Variants in SCNN1B observed in about 807,000 individuals in gnomAD.
SCNN1B encodes the protein sodium channel epithelial 1 subunit beta.
A neutral mutation model predicts 65.3 loss-of-function variants in SCNN1B; 46 were observed. The ratio of observed to expected loss-of-function variants is 0.70; its 90% CI spans 0.56 to 0.90. The LOEUF (loss-of-function observed/expected upper bound fraction) is 0.90, where lower values mean the gene tolerates loss of function less well. SCNN1B is among the 40% of genes least tolerant of loss of function. The pLI is 0.00. For missense variants in SCNN1B, 751 were observed against 830.5 expected, an observed-to-expected ratio of 0.90 and a Z score of 1.18; for synonymous variants, 349 against 330.6, an observed-to-expected ratio of 1.06 and a Z score of -0.60.
At chr16:23,349,427 C>T (rs941303023) in intron 2 of SCNN1B, among the ~76,000 whole-genome samples, 10 of 152,130 alleles carry the variant, frequency 6.6e-5, no homozygotes, top group Non-Finnish European at 1.0e-4. Flanking sequence ...CTCGAGGCTG[C>T]AGTGGGCTGA....
At chr16:23,350,732 G>C (rs1962290959) in intron 2 of SCNN1B, among the ~76,000 whole-genome samples, 1 of 152,138 alleles carries the variant, frequency 6.6e-6, no homozygotes, top group Non-Finnish European at 1.5e-5. Flanking sequence ...GCCCAACATG[G>C]TGAAACCCCA....
At chr16:23,373,510 A>C (rs1257385278) in intron 7 of SCNN1B, among the ~76,000 whole-genome samples, 2 of 152,190 alleles carry the variant, frequency 1.3e-5, no homozygotes, top group African/African-American at 4.8e-5. Flanking sequence ...GAGTTAACCC[A>C]GACCTGCCAC....
intron 4 of SCNN1B, among the ~76,000 whole-genome samples, chr16:23,366,407 A>G (rs1962670746): frequency 6.6e-6 from 1 of 152,010 alleles, no homozygotes; most frequent in African/African-American, 2.4e-5. Flanking sequence ...TTGTAGAGAT[A>G]GGGTCTCAAT....
At chr16:23,333,837 A>G (rs1961879989) in intron 1 of SCNN1B, among the ~76,000 whole-genome samples, 1 of 152,190 alleles carries the variant, frequency 6.6e-6, no homozygotes, top group Non-Finnish European at 1.5e-5. Flanking sequence ...TTAAAATTTA[A>G]AAATAAAGAC....
intron 1 of SCNN1B, among the ~76,000 whole-genome samples, chr16:23,340,550 T>G (rs1322070127): frequency 6.6e-6 from 1 of 152,218 alleles, no homozygotes. Context: ...ACTTTTTTAT[T>G]TTTTTACGTT....
intron 1 of SCNN1B, among the ~76,000 whole-genome samples, chr16:23,306,155 A>T (rs1370521186): frequency 6.6e-6 from 1 of 151,960 alleles, no homozygotes; most frequent in Non-Finnish European, 1.5e-5. Flanking sequence ...AAGTGGGAGA[A>T]TCGCTTGAAC....
intron 10 of SCNN1B, among the ~76,000 whole-genome samples, chr16:23,377,946 A>T (rs1031808074): frequency 6.6e-6 from 1 of 152,210 alleles, no homozygotes; most frequent in Non-Finnish European, 1.5e-5. Flanking sequence ...TATGGCTGTG[A>T]AATAAATAAA....
intron 1 of SCNN1B, among the ~76,000 whole-genome samples, chr16:23,328,205 G>A (rs1961736851): frequency 2.0e-5 from 3 of 152,200 alleles, no homozygotes. Flanking sequence ...ATAGTGCACA[G>A]ACAATTGCTT....
chr16:23,358,819 A>G (rs1962473799), intron 4 of SCNN1B, among the ~76,000 whole-genome samples: 1 of 152,224 alleles, frequency 6.6e-6, no homozygotes, highest in Non-Finnish European at 1.5e-5. Flanking sequence ...AGGCACGAGA[A>G]TCACTTGAAC....
At chr16:23,287,316 T>G (rs149908499) in intron 2 of SCNN1B, among the ~76,000 whole-genome samples, 3 of 152,118 alleles carry the variant, frequency 2.0e-5, no homozygotes, top group Admixed American at 2.0e-4. Flanking sequence ...AAAATTAATT[T>G]TTTTAAAAAA....
chr16:23,322,459 T>C (rs565667688), intron 1 of SCNN1B, among the ~76,000 whole-genome samples: 7 of 148,932 alleles, frequency 4.7e-5, no homozygotes, highest in South Asian at 4.2e-4. Context: ...ACCACCATGC[T>C]TGGCTAATTT....
At chr16:23,332,653 G>C (rs1961838060) in intron 1 of SCNN1B, among the ~76,000 whole-genome samples, 1 of 152,102 alleles carries the variant, frequency 6.6e-6, no homozygotes, top group Admixed American at 6.5e-5. Flanking sequence ...TATCCCCTAG[G>C]CTCCCTGTAA....
chr16:23,358,142 G>A (rs1962458790), intron 4 of SCNN1B: 1 of 152,234 alleles, frequency 6.6e-6, no homozygotes, highest in Non-Finnish European at 1.5e-5. Context: ...GGCTGGGCTG[G>A]GTATAGCTGG....
intron 1 of SCNN1B, among the ~76,000 whole-genome samples, chr16:23,316,963 A>G (rs1425482350): frequency 6.6e-6 from 1 of 152,208 alleles, no homozygotes; most frequent in East Asian, 1.9e-4. Flanking sequence ...CCACCAGAGC[A>G]ACATTATGGT....
intron 2 of SCNN1B, among the ~76,000 whole-genome samples, chr16:23,352,441 C>A (rs1019030173): frequency 1.3e-5 from 2 of 152,210 alleles, no homozygotes; most frequent in African/African-American, 4.8e-5. Flanking sequence ...GTGATTAGAT[C>A]ATACGGGCGG....
intron 4 of SCNN1B, among the ~76,000 whole-genome samples, chr16:23,359,904 T>C (rs1001587887): frequency 6.6e-5 from 10 of 152,324 alleles, no homozygotes; most frequent in Admixed American, 5.9e-4. Flanking sequence ...AGGAGCATTT[T>C]TTTAAAAAGG....
intron 2 of SCNN1B, among the ~76,000 whole-genome samples, chr16:23,293,400 C>T (rs1276130193): frequency 3.9e-5 from 6 of 152,116 alleles, no homozygotes; most frequent in African/African-American, 1.2e-4. Context: ...ATGCAAAGTG[C>T]AATCAGCCAT....
At chr16:23,358,963 A>G (rs1017688888) in intron 4 of SCNN1B, among the ~76,000 whole-genome samples, 1 of 152,242 alleles carries the variant, frequency 6.6e-6, no homozygotes, top group Non-Finnish European at 1.5e-5. Context: ...TTCAATAATT[A>G]TGCCAACATT....
chr16:23,317,302 C>T lies in SCNN1B; in HGVS notation c.-9+14865C>T, dbSNP rs143115144. Among the ~76,000 whole-genome samples, 269 of 152,304 alleles carry T rather than the reference C, an allele frequency of 1.8e-3. 3 individuals are homozygous for T. The highest frequency in any genetic ancestry group is 6.2e-3 in the African/African-American group (256 of 41,584). ...AAATCATAAAAGGGAAAAACAAACA[C>T]TCTGCAAAGGCGGCAGCAGTTAAGG... is the stretch of plus-strand genomic sequence containing the variant. On this transcript the variant is annotated intron_variant, in intron 1 of 12. Coordinates refer to ENST00000343070, the MANE Select transcript of SCNN1B (RefSeq NM_000336.3).
Sources: allele counts gnomAD v4.1 joint callset (sites outside exome capture counted in the v4.1 genomes callset), GRCh38; gene constraint gnomAD v4.1.1; transcripts MANE v1.5; gene names NCBI Gene and HGNC (gene_info 2026-07-23, HGNC 2026-07-21).